Variants in TPD52L2 observed in about 807,000 individuals in gnomAD.
TPD52L2 encodes the protein TPD52 like 2, also known as tumor protein D54.
Under a neutral mutation model 24.7 loss-of-function variants are expected in TPD52L2, and 19 were observed. The ratio of observed to expected loss-of-function variants is 0.77; its 90% confidence interval spans 0.54 to 1.13. The LOEUF is 1.13. Ranked by LOEUF, TPD52L2 falls within the 50% of genes most tolerant of loss-of-function variation. The pLI, the probability that TPD52L2 is intolerant of heterozygous loss-of-function variation, is 0.00. For synonymous variants in TPD52L2, 104 were observed against 100.2 expected (o/e 1.04, Z -0.23); for missense variants, 236 against 250.4 (o/e 0.94, Z 0.39).
At chr20:63,885,043 G>A (rs1010438509) in intron 5 of TPD52L2, among the ~76,000 whole-genome samples, 2 of 152,228 alleles carry the variant, frequency 1.3e-5, no homozygotes, top group Non-Finnish European at 1.5e-5. Context: ...AGAGACTGAG[G>A]TTGAGAGCTC....
intron 1 of TPD52L2, 116 bp from the exon 2 acceptor site, chr20:63,869,180 T>G: frequency 8.6e-7 from 1 of 1,163,376 alleles, no homozygotes; most frequent in Non-Finnish European, 1.3e-6. Flanking sequence ...GAAGAGGTGT[T>G]AGTCTCCAGG....
At chr20:63,887,402 C>T (rs1023797277) in intron 5 of TPD52L2, 21 of 839,800 alleles carry the variant, frequency 2.5e-5, no homozygotes, top group South Asian at 6.9e-5. Flanking sequence ...ACCCTGGGGT[C>T]GAGTTTCCTT....
Position 63,865,376 on chromosome 20 carries a change from C to A in TPD52L2, c.11C>A (p.Ala4Asp), listed in dbSNP as rs751064476. 21 of 1,530,450 alleles carry A rather than the reference C, an allele frequency of 1.4e-5. No homozygotes were observed. Among genetic ancestry groups the A allele is most frequent in the Non-Finnish European group, 1.7e-5 (20 of 1,144,190 alleles). The allele number at this position is 1,530,450 out of a possible 1,614,324, so 94.8% of individuals were successfully genotyped here. A position where few individuals can be genotyped will look rare whatever the true frequency, so the allele number is the denominator to read the frequency against. The stretch of plus-strand genomic sequence containing the variant: ...GGACGCCGCCCGAACATGGACTCCG[C>A]CGGCCAAGGTACCTGCCGGGCCCGG... MDS[A>D]GQDINLNSPN... Residue 4 changes from alanine (A) to aspartate (D), a missense_variant, in exon 1 of 7, where the codon GCC becomes GAC. Physicochemically the swap from Ala to Asp is moderately radical, Grantham distance 126. Transcript: ENST00000346249.
intron 2 of TPD52L2, among the ~76,000 whole-genome samples, chr20:63,870,340 T>G (rs1372136352): frequency 6.6e-6 from 1 of 152,128 alleles, no homozygotes; most frequent in African/African-American, 2.4e-5. Flanking sequence ...GTTGTGCCGC[T>G]GAGTCTGAGG....
chr20:63,876,792 C>T (rs1310230069), intron 4 of TPD52L2: 6 of 455,640 alleles, frequency 1.3e-5, no homozygotes, highest in African/African-American at 4.0e-5. Context: ...GAACCCCGGG[C>T]GGTTCTCGGC....
intron 5 of TPD52L2, chr20:63,887,725 C>A: frequency 9.9e-7 from 1 of 1,012,188 alleles, no homozygotes; most frequent in South Asian, 1.4e-5. Flanking sequence ...GACTCCATTC[C>A]CTTGGCAACC....
chr20:63,875,327 C>G (rs563586497), intron 3 of TPD52L2, among the ~76,000 whole-genome samples: 1 of 152,166 alleles, frequency 6.6e-6, no homozygotes, highest in East Asian at 1.9e-4. Context: ...CTCACTTGGC[C>G]CTGTCCACGT....
At chr20:63,868,845 A>T (rs986562960) in intron 1 of TPD52L2, among the ~76,000 whole-genome samples, 2 of 152,118 alleles carry the variant, frequency 1.3e-5, no homozygotes, top group African/African-American at 4.8e-5. Flanking sequence ...GAAGGCTGAG[A>T]CAGGAGAATC....
intron 1 of TPD52L2, among the ~76,000 whole-genome samples, chr20:63,866,059 C>T (rs2052215009): frequency 6.6e-6 from 1 of 152,212 alleles, no homozygotes; most frequent in African/African-American, 2.4e-5. Flanking sequence ...GTCTGCCTTG[C>T]ATTTTGGGGC....
rs746162524 is a variant in TPD52L2, at chr20:63,865,321, C to G, written c.-45C>G. 1.1e-5 allele frequency: 16 copies of G among 1,506,012 alleles called. No individual in the cohort carries two copies. Among genetic ancestry groups the G allele is most frequent in the East Asian group, 1.0e-4 (4 of 38,170 alleles). The allele number at this position is 1,506,012 out of a possible 1,614,324, so 93.3% of individuals were successfully genotyped here. On this transcript the variant is annotated 5_prime_UTR_variant, in exon 1 of 7. Coordinates refer to ENST00000346249, the MANE Select transcript of TPD52L2 (RefSeq NM_003288.4). ...CGAGCTTCTCCCGGCGCCGCCCGCT[C>G]GGCTCCCATAGCGCCCGCGACAGCG...
chr20:63,884,840 C>T (rs3795152), intron 5 of TPD52L2, among the ~76,000 whole-genome samples: 6,185 of 152,214 alleles, frequency 0.041, 299 homozygotes, highest in East Asian at 0.19. Flanking sequence ...AGCCAGCTCG[C>T]TCCAGTTGGC....
chr20:63,866,611 G>A (rs1600772452), intron 1 of TPD52L2, among the ~76,000 whole-genome samples: 1 of 151,744 alleles, frequency 6.6e-6, no homozygotes, highest in East Asian at 1.9e-4. Flanking sequence ...ACAGGCGCCC[G>A]CCATCATGCC....
chr20:63,868,717 G>A (rs948635876), intron 1 of TPD52L2, among the ~76,000 whole-genome samples: 1 of 152,234 alleles, frequency 6.6e-6, no homozygotes, highest in African/African-American at 2.4e-5. Context: ...GCCAAGGCGG[G>A]CGGATCACCC....
At position 63,877,996 on chromosome 20, in the gene TPD52L2, G is replaced by A. The variant is rs918977785; in HGVS notation, c.374+2121G>A. On this transcript the variant is annotated intron_variant, in intron 4 of 6. Transcript: ENST00000346249. The surrounding 1 kb of genome is among the most constrained non-coding windows in gnomAD (Gnocchi z 4.1). ...CGAGGGCGGTGGTTTCTGCCGGGAC[G>A]GCCCAGACGGAAGGGATGCGGCTTG... Among the ~76,000 whole-genome samples, 2 of 152,398 alleles carry A rather than the reference G, an allele frequency of 1.3e-5. No individual in the cohort carries two copies. The highest frequency in any genetic ancestry group is 2.4e-5 in the African/African-American group (1 of 41,600).
intron 5 of TPD52L2, chr20:63,888,556 G>A (rs1400430365): frequency 1.5e-5 from 2 of 130,988 alleles, no homozygotes; most frequent in African/African-American, 6.0e-5. Context: ...ACGAGAGCCC[G>A]GGGTATCCCT....
chr20:63,865,362 G>A lies in TPD52L2; in HGVS notation c.-4G>A, dbSNP rs2052171083. The A allele has an allele frequency of 2.6e-6, 4 of 1,528,016 alleles. No homozygotes were observed. Among genetic ancestry groups the A allele is most frequent in the East Asian group, 2.5e-5 (1 of 39,626 alleles). The allele number at this position is 1,528,016 out of a possible 1,614,324, so 94.7% of individuals were successfully genotyped here. A position where few individuals can be genotyped will look rare whatever the true frequency, so the allele number is the denominator to read the frequency against. On this transcript the variant is annotated 5_prime_UTR_variant, in exon 1 of 7. Transcript: ENST00000346249. ...CGCGACAGCGGTCCGGACGCCGCCC[G>A]AACATGGACTCCGCCGGCCAAGGTA... is the stretch of plus-strand genomic sequence containing the variant.
At chr20:63,887,795 G>C in intron 5 of TPD52L2, 3 of 626,152 alleles carry the variant, frequency 4.8e-6, no homozygotes, top group Non-Finnish European at 5.6e-6. Context: ...GCTGGTAGGG[G>C]GTCAGGCTCT....
Position 63,890,219 on chromosome 20 carries a change from T to G in TPD52L2, c.*274T>G. 1.5e-6 allele frequency: 1 copy of G among 647,588 alleles called. No homozygotes were observed. Among genetic ancestry groups the G allele is most frequent in the Middle Eastern group, 4.4e-4 (1 of 2,266 alleles). The allele number at this position is 647,588 out of a possible 1,614,324, so 40.1% of individuals were successfully genotyped here. On this transcript the variant is annotated 3_prime_UTR_variant, in exon 7 of 7. Coordinates refer to ENST00000346249, the MANE Select transcript of TPD52L2 (RefSeq NM_003288.4). ...CAGGAAGTGGACAGGGCGGAGGGTT[T>G]GAAAGAATATTGAGCCAAAGCCCAG...
In TPD52L2 at chr20:63,865,397, C is replaced by G; in HGVS notation, c.19+13C>G. 2.0e-6 allele frequency: 3 copies of G among 1,529,282 alleles called. No homozygotes were observed. The highest frequency in any genetic ancestry group is 2.6e-6 in the Non-Finnish European group (3 of 1,143,416). The allele number at this position is 1,529,282 out of a possible 1,614,324, so 94.7% of individuals were successfully genotyped here. On this transcript the variant is annotated intron_variant, in intron 1 of 6. Transcript: ENST00000346249. ...TCCGCCGGCCAAGGTACCTGCCGGG[C>G]CCGGCCCCTTCGCCGCAGATGGGCC...
Sources: allele counts gnomAD v4.1 joint callset (sites outside exome capture counted in the v4.1 genomes callset), GRCh38; gene constraint gnomAD v4.1.1; non-coding constraint Gnocchi (gnomAD v3.1); transcripts MANE v1.5; gene names NCBI Gene and HGNC (gene_info 2026-07-23, HGNC 2026-07-21).